The following ADAMTSL1 variants were observed in gnomAD, a reference collection of about 807,000 sequenced individuals.
ADAMTSL1 encodes ADAMTS-like protein 1.
ADAMTSL1 carries 126 observed loss-of-function variants against 201.8 expected under a neutral mutation model. That is an observed-to-expected ratio of 0.62 (90% CI 0.54 to 0.72). The LOEUF (loss-of-function observed/expected upper bound fraction) is 0.72. Among genes scored for constraint, ADAMTSL1 ranks in the 30% least tolerant of loss-of-function variants. The pLI is 0.00. For synonymous variants in ADAMTSL1, 1,121 were observed against 903.4 expected (o/e 1.24, Z -4.32); for missense variants, 2,679 against 2,277.8 (o/e 1.18, Z -3.59).
At chr9:18,404,731 T>C (rs965452956) in intron 2 of ADAMTSL1, among the ~76,000 whole-genome samples, 1 of 152,178 alleles carries the variant, frequency 6.6e-6, no homozygotes, top group Non-Finnish European at 1.5e-5. Context: ...AGCTCATCAG[T>C]GGGGTTTTCA....
intron 1 of ADAMTSL1, among the ~76,000 whole-genome samples, chr9:17,925,765 T>G: frequency 1.4e-5 from 2 of 145,966 alleles, no homozygotes; most frequent in East Asian, 2.1e-4. Flanking sequence ...AGATGACGAG[T>G]TAGTGGGTGC....
chr9:18,264,380 T>G (rs992525489), intron 2 of ADAMTSL1, among the ~76,000 whole-genome samples: 2 of 152,182 alleles, frequency 1.3e-5, no homozygotes, highest in Non-Finnish European at 2.9e-5. Context: ...AACATCTGAT[T>G]GTATACCAGC....
intron 1 of ADAMTSL1, among the ~76,000 whole-genome samples, chr9:18,002,254 T>C (rs531683020): frequency 6.6e-6 from 1 of 152,088 alleles, no homozygotes; most frequent in Admixed American, 6.6e-5. Flanking sequence ...CCATTATGGG[T>C]AGCCTCCATT....
intron 23 of ADAMTSL1, among the ~76,000 whole-genome samples, chr9:18,859,524 G>A (rs1302438788): frequency 6.6e-6 from 1 of 152,108 alleles, no homozygotes; most frequent in African/African-American, 2.4e-5. Flanking sequence ...TCTTTAGGGG[G>A]GCAGTTATTC....
chr9:18,126,703 A>G (rs1825744512), intron 1 of ADAMTSL1, among the ~76,000 whole-genome samples: 1 of 152,186 alleles, frequency 6.6e-6, no homozygotes, highest in Non-Finnish European at 1.5e-5. Flanking sequence ...TAACACGGAG[A>G]TGGAGGCAGA....
chr9:18,168,255 C>G (rs1386809113), intron 2 of ADAMTSL1, among the ~76,000 whole-genome samples: 1 of 151,900 alleles, frequency 6.6e-6, no homozygotes, highest in Non-Finnish European at 1.5e-5. Flanking sequence ...CTAATGCTAT[C>G]CTTATGCTAT....
chr9:18,738,180 T>C (rs1818626166), intron 15 of ADAMTSL1, among the ~76,000 whole-genome samples: 1 of 152,220 alleles, frequency 6.6e-6, no homozygotes, highest in Admixed American at 6.5e-5. Flanking sequence ...CTAGACATCA[T>C]ATATTTTTCA....
intron 2 of ADAMTSL1, among the ~76,000 whole-genome samples, chr9:18,353,699 C>T (rs903927162): frequency 2.0e-5 from 3 of 152,110 alleles, no homozygotes; most frequent in African/African-American, 7.2e-5. Flanking sequence ...TCCACCAGGG[C>T]ACAATGGAAA....
intron 1 of ADAMTSL1, among the ~76,000 whole-genome samples, chr9:18,007,836 A>C (rs1427880376): frequency 1.3e-5 from 2 of 152,008 alleles, no homozygotes; most frequent in Non-Finnish European, 2.9e-5. Context: ...TTTACATGGT[A>C]CTTCTTTCAT....
chr9:18,118,400 C>G (rs1825356084), intron 1 of ADAMTSL1, among the ~76,000 whole-genome samples: 1 of 152,160 alleles, frequency 6.6e-6, no homozygotes, highest in Non-Finnish European at 1.5e-5. Context: ...GGACACAGGT[C>G]CAGTGTTTTC....
intron 15 of ADAMTSL1, among the ~76,000 whole-genome samples, chr9:18,738,195 G>T (rs1479502474): frequency 6.6e-6 from 1 of 152,148 alleles, no homozygotes; most frequent in Non-Finnish European, 1.5e-5. Flanking sequence ...TTTTCACTAG[G>T]ATAAGAAAGG....
At chr9:18,214,070 G>A (rs549591411) in intron 2 of ADAMTSL1, among the ~76,000 whole-genome samples, 11 of 152,198 alleles carry the variant, frequency 7.2e-5, no homozygotes, top group Admixed American at 2.6e-4. Context: ...AAAATTTTAC[G>A]TATTTAGTGT....
At chr9:18,362,423 AC>A (rs1361601659) in intron 2 of ADAMTSL1, among the ~76,000 whole-genome samples, 5 of 152,210 alleles carry the variant, frequency 3.3e-5, no homozygotes, top group Non-Finnish European at 7.3e-5. Context: ...CAATTAACTT[AC>A]TTTCCATGGT....
intron 2 of ADAMTSL1, among the ~76,000 whole-genome samples, chr9:18,380,975 C>T (rs565823236): frequency 1.4e-4 from 21 of 152,132 alleles, no homozygotes; most frequent in Non-Finnish European, 2.4e-4. Context: ...CTGTGGGTAG[C>T]GTGTGTCTCC....
At chr9:18,220,138 G>T (rs192532080) in intron 2 of ADAMTSL1, among the ~76,000 whole-genome samples, 1 of 152,148 alleles carries the variant, frequency 6.6e-6, no homozygotes, top group East Asian at 1.9e-4. Flanking sequence ...CACTCAGTTT[G>T]CCAAGATCAA....
intron 28 of ADAMTSL1, 92 bp from the exon 29 acceptor site, chr9:18,908,350 C>T: frequency 1.8e-6 from 2 of 1,108,800 alleles, no homozygotes; most frequent in Non-Finnish European, 2.6e-6. Flanking sequence ...GTGGCTGAAA[C>T]CCCCGGCTGC....
chr9:18,597,968 G>A (rs891406705), intron 4 of ADAMTSL1, among the ~76,000 whole-genome samples: 1 of 152,060 alleles, frequency 6.6e-6, no homozygotes, highest in Non-Finnish European at 1.5e-5. Flanking sequence ...TTGCCTCTTT[G>A]GTTAGACTGC....
intron 1 of ADAMTSL1, among the ~76,000 whole-genome samples, chr9:17,943,522 T>A (rs1342811891): frequency 6.6e-6 from 1 of 152,112 alleles, no homozygotes; most frequent in Non-Finnish European, 1.5e-5. Flanking sequence ...GTTTAAAGTA[T>A]TTTGATATTT....
intron 1 of ADAMTSL1, among the ~76,000 whole-genome samples, chr9:18,126,527 G>C (rs10963459): frequency 0.43 from 65,049 of 152,054 alleles, 14,341 homozygotes; most frequent in South Asian, 0.48. Flanking sequence ...ATTGTTGCAT[G>C]CACCACACGT....
Sources: gnomAD v4.1 joint callset for allele counts (sites outside exome capture counted in the v4.1 genomes callset) on GRCh38, gnomAD v4.1.1 for gene constraint, MANE v1.5 for transcripts, NCBI Gene and HGNC (gene_info 2026-07-23, HGNC 2026-07-21) for gene names.